Variants in NPSR1 observed in about 807,000 individuals in gnomAD.
The protein encoded by NPSR1 is neuropeptide S receptor.
Under a neutral mutation model 46.9 loss-of-function variants are expected in NPSR1, and 48 were observed. The observed-to-expected ratio is 1.02, with a 90% CI of 0.81 to 1.30. NPSR1 has a LOEUF of 1.30. Among genes scored for constraint, NPSR1 ranks in the 50% most tolerant of loss-of-function variants. The pLI, the probability that NPSR1 is intolerant of heterozygous loss-of-function variation, is 0.00. For synonymous variants in NPSR1, 176 were observed against 168.1 expected (o/e 1.05, Z -0.36); for missense variants, 450 against 449.5 (o/e 1.00, Z -0.01).
intron 6 of NPSR1, among the ~76,000 whole-genome samples, chr7:34,843,714 C>T (rs1790648739): frequency 6.6e-6 from 1 of 152,200 alleles, no homozygotes. Flanking sequence ...ATGAATATTG[C>T]AAAGGTAAAC....
At chr7:34,780,393 C>A (rs1787177758) in intron 3 of NPSR1, among the ~76,000 whole-genome samples, 1 of 152,040 alleles carries the variant, frequency 6.6e-6, no homozygotes, top group African/African-American at 2.4e-5. Context: ...CTAACTGTAT[C>A]TACAATAAAT....
At chr7:34,771,350 G>A (rs1786675052) in intron 2 of NPSR1, among the ~76,000 whole-genome samples, 2 of 152,164 alleles carry the variant, frequency 1.3e-5, no homozygotes, top group African/African-American at 2.4e-5. Context: ...TGAGGCAAGA[G>A]GATCACTTGA....
At chr7:34,813,150 T>C (rs1305145702) in intron 4 of NPSR1, among the ~76,000 whole-genome samples, 1 of 152,198 alleles carries the variant, frequency 6.6e-6, no homozygotes, top group East Asian at 1.9e-4. Context: ...CTGCCTACAA[T>C]AGCAGGAATT....
chr7:34,751,017 G>A, intron 2 of NPSR1: 1 of 771,012 alleles, frequency 1.3e-6, no homozygotes, highest in Non-Finnish European at 2.4e-6. Flanking sequence ...CTTGGCCAGG[G>A]CAGCAATTTG....
chr7:34,688,711 C>T (rs1793065420), intron 2 of NPSR1, among the ~76,000 whole-genome samples: 1 of 152,228 alleles, frequency 6.6e-6, no homozygotes, highest in Admixed American at 6.5e-5. Context: ...TGCACCTGCT[C>T]CTCCAGATCA....
chr7:34,732,158 A>G (rs916720899), intron 2 of NPSR1, among the ~76,000 whole-genome samples: 1 of 151,944 alleles, frequency 6.6e-6, no homozygotes, highest in Non-Finnish European at 1.5e-5. Context: ...CTAAAAGTCT[A>G]TCATGTAACA....
intron 8 of NPSR1, among the ~76,000 whole-genome samples, chr7:34,859,058 G>A (rs1263198851): frequency 1.3e-5 from 2 of 151,734 alleles, no homozygotes; most frequent in East Asian, 3.9e-4. Flanking sequence ...AAGCAGTGCA[G>A]AGAAGGGAGC....
intron 2 of NPSR1, among the ~76,000 whole-genome samples, chr7:34,703,087 C>T (rs1793917129): frequency 6.6e-6 from 1 of 152,172 alleles, no homozygotes; most frequent in Non-Finnish European, 1.5e-5. Context: ...CGGCCAGGCG[C>T]GGTGGCTCAT....
At chr7:34,832,191 C>T (rs1790152150) in intron 5 of NPSR1, among the ~76,000 whole-genome samples, 1 of 152,158 alleles carries the variant, frequency 6.6e-6, no homozygotes, top group Non-Finnish European at 1.5e-5. Flanking sequence ...TTTGCAGGGA[C>T]AATCCACAAA....
At chr7:34,850,031 C>T (rs1584142447), downstream of NPSR1, 1 of 974,670 alleles carries the variant, frequency 1.0e-6, no homozygotes, top group Non-Finnish European at 1.2e-6. Flanking sequence ...ATTCTCATTA[C>T]AATAGAAGAA....
intron 8 of NPSR1, among the ~76,000 whole-genome samples, chr7:34,867,246 G>A (rs1015080767): frequency 6.6e-6 from 1 of 151,884 alleles, no homozygotes; most frequent in Non-Finnish European, 1.5e-5. Flanking sequence ...GATGGGAGGA[G>A]GGATGGTGAG....
At chr7:34,745,267 T>C (rs553608199) in intron 2 of NPSR1, among the ~76,000 whole-genome samples, 1 of 152,200 alleles carries the variant, frequency 6.6e-6, no homozygotes, top group South Asian at 2.1e-4. Flanking sequence ...TCTTCACTTC[T>C]CTTTGGTCTA....
rs2128666525 is a variant in NPSR1 at position 34,658,236 on chromosome 7, A to G, written c.-177A>G. The G allele has an allele frequency of 3.1e-6, 2 of 635,128 alleles. No individual in the cohort carries two copies. The highest frequency in any genetic ancestry group is 3.9e-5 in the South Asian group (2 of 51,054). The allele number at this position is 635,128 out of a possible 1,614,324, so 39.3% of individuals were successfully genotyped here. A position where few individuals can be genotyped will look rare whatever the true frequency, so the allele number is the denominator to read the frequency against. Reference sequence around the variant, plus strand: ...ACCTGGTGGTAATTGCCAAGGAGAGAGCAGCACGTAGATCCTCCCTGTCAT... The same window carrying G: ...ACCTGGTGGTAATTGCCAAGGAGAGGGCAGCACGTAGATCCTCCCTGTCAT... On this transcript the variant is annotated 5_prime_UTR_variant, in exon 1 of 9. Transcript: ENST00000360581.
chr7:34,727,889 A>C (rs961006619), intron 2 of NPSR1, among the ~76,000 whole-genome samples: 4 of 152,198 alleles, frequency 2.6e-5, no homozygotes, highest in Non-Finnish European at 5.9e-5. Flanking sequence ...TCGTTATTGA[A>C]ATAATATAAC....
At chr7:34,756,316 A>C (rs1360500781) in intron 2 of NPSR1, among the ~76,000 whole-genome samples, 1 of 152,252 alleles carries the variant, frequency 6.6e-6, no homozygotes, top group Non-Finnish European at 1.5e-5. Context: ...TCAAGCCAGC[A>C]GGGAGCATTT....
chr7:34,735,317 G>A (rs947547713), intron 2 of NPSR1, among the ~76,000 whole-genome samples: 7 of 152,176 alleles, frequency 4.6e-5, no homozygotes, highest in African/African-American at 1.7e-4. Context: ...TGTGGAGGCA[G>A]AGATGACCAT....
At chr7:34,763,060 T>C (rs990798295) in intron 2 of NPSR1, among the ~76,000 whole-genome samples, 2 of 152,196 alleles carry the variant, frequency 1.3e-5, no homozygotes, top group Non-Finnish European at 2.9e-5. Context: ...CAAATATGTT[T>C]AATTGGACAA....
At chr7:34,779,175 A>G (rs535409920) in intron 3 of NPSR1, among the ~76,000 whole-genome samples, 62 of 152,162 alleles carry the variant, frequency 4.1e-4, no homozygotes, top group African/African-American at 1.4e-3. Flanking sequence ...TTTATGTATC[A>G]TATGTATATT....
At chr7:34,750,987 A>G (rs540689353) in intron 2 of NPSR1, 2 of 768,768 alleles carry the variant, frequency 2.6e-6, no homozygotes, top group South Asian at 1.3e-5. Flanking sequence ...GCCCTTGTGG[A>G]AGAGCTCATT....
Sources: gnomAD v4.1 joint callset for allele counts (sites outside exome capture counted in the v4.1 genomes callset) on GRCh38, gnomAD v4.1.1 for gene constraint, MANE v1.5 for transcripts, NCBI Gene and HGNC (gene_info 2026-07-23, HGNC 2026-07-21) for gene names.